Variants in LRRC7 observed in about 807,000 individuals in gnomAD.
The protein encoded by LRRC7 is leucine-rich repeat-containing protein 7.
LRRC7 carries 23 observed loss-of-function variants against 175.7 expected under a neutral mutation model. That is an observed-to-expected ratio of 0.13 (90% CI 0.09 to 0.19). LRRC7 has a LOEUF of 0.19. Among genes scored for constraint, LRRC7 ranks in the 10% least tolerant of loss-of-function variants. The pLI is 1.00. For missense variants in LRRC7, 1,354 were observed against 1,904.7 expected (o/e 0.71, Z 5.38); for synonymous variants, 685 against 680.9 (o/e 1.01, Z -0.09).
chr1:70,140,492 T>G lies in LRRC7; in HGVS notation c.*18605T>G, dbSNP rs1471627783. On this transcript the variant is annotated 3_prime_UTR_variant, in exon 27 of 27. Transcript: ENST00000651989. ...CTATCAATTTTCTACATTTAATCCTTGGCTTCTTGTCATATTTTCATTTTT... is the reference window on the plus strand; with the variant it reads ...CTATCAATTTTCTACATTTAATCCTGGGCTTCTTGTCATATTTTCATTTTT... The G allele has an allele frequency of 6.6e-6, 1 of 152,174 alleles. No individual in the cohort carries two copies. 9.4% of individuals were successfully genotyped at this position (152,174 alleles called of 1,614,324 possible).
At chr1:70,076,836 C>T (rs1662818652) in intron 24 of LRRC7, among the ~76,000 whole-genome samples, 1 of 152,178 alleles carries the variant, frequency 6.6e-6, no homozygotes, top group East Asian at 1.9e-4. Flanking sequence ...TTACTGATAA[C>T]TGCCATGTAG....
At chr1:70,084,352 C>G (rs541774095) in intron 24 of LRRC7, among the ~76,000 whole-genome samples, 1 of 152,300 alleles carries the variant, frequency 6.6e-6, no homozygotes, top group South Asian at 2.1e-4. Context: ...AACCACTCAT[C>G]TACTTTCTGT....
Position 70,076,225 on chromosome 1 carries a change from C to G in LRRC7, c.4379C>G (p.Thr1460Ser), listed in dbSNP as rs1662766794. Residue 1460 changes from threonine (T) to serine (S), a missense_variant, in exon 24 of 27, where the codon ACC (threonine) becomes AGC (serine). By Grantham distance (58) the Thr-to-Ser change is moderately conservative. This residue lies in a region of LRRC7 where 1,032 missense variants were observed against 1,227.2 expected (regional missense o/e 0.84). Coordinates refer to ENST00000651989, the MANE Select transcript of LRRC7 (RefSeq NM_001370785.2). ...LPIQIPSSQATRGPQPGRCLI... is the reference protein window; with the variant it reads ...LPIQIPSSQASRGPQPGRCLI... ...ATTCAGATCCCCTCTTCACAGGCCA[C>G]CCGGGGACCTCAGCCTGGACGGTGC... 6.2e-7 allele frequency: 1 copy of G among 1,614,064 alleles called. No homozygotes were observed.
chr1:69,647,848 T>C (rs141153714), intron 1 of LRRC7, among the ~76,000 whole-genome samples: 1 of 152,276 alleles, frequency 6.6e-6, no homozygotes, highest in African/African-American at 2.4e-5. Flanking sequence ...TTTTATTGAG[T>C]GTATACTTGC....
chr1:69,671,522 C>A (rs1399957468), intron 1 of LRRC7, among the ~76,000 whole-genome samples: 1 of 152,130 alleles, frequency 6.6e-6, no homozygotes, highest in Non-Finnish European at 1.5e-5. Flanking sequence ...CAGTAGGTCA[C>A]ATATGCTCCC....
At chr1:69,879,221 A>C (rs961607983) in intron 7 of LRRC7, among the ~76,000 whole-genome samples, 21 of 134,960 alleles carry the variant, frequency 1.6e-4, no homozygotes, top group African/African-American at 5.3e-4. Flanking sequence ...TTAAAAAAAA[A>C]AAAAAAAAAA....
chr1:69,705,096 A>C (rs1346878146), intron 2 of LRRC7, among the ~76,000 whole-genome samples: 1 of 152,164 alleles, frequency 6.6e-6, no homozygotes, highest in Non-Finnish European at 1.5e-5. Flanking sequence ...AACTTTCCCA[A>C]GATTAGAAAG....
intron 2 of LRRC7, among the ~76,000 whole-genome samples, chr1:69,682,054 A>C (rs1328383685): frequency 2.0e-5 from 3 of 152,094 alleles, no homozygotes; most frequent in African/African-American, 2.4e-5. Flanking sequence ...CTATTGGCAG[A>C]ATTTGTTTCC....
intron 3 of LRRC7, among the ~76,000 whole-genome samples, chr1:69,760,983 GTGCACACC>G (rs1670978480): frequency 1.4e-5 from 2 of 139,382 alleles, no homozygotes; most frequent in African/African-American, 5.4e-5. Flanking sequence ...ACACACACAC[GTGCACACC>G]TGCACACACA....
At chr1:69,794,065 A>C (rs1270396459) in intron 4 of LRRC7, among the ~76,000 whole-genome samples, 1 of 152,218 alleles carries the variant, frequency 6.6e-6, no homozygotes, top group Non-Finnish European at 1.5e-5. Context: ...TGGATTAATT[A>C]AGACTGCTGT....
At chr1:70,045,040 A>T (rs1048687589) in intron 22 of LRRC7, among the ~76,000 whole-genome samples, 1 of 152,102 alleles carries the variant, frequency 6.6e-6, no homozygotes, top group Admixed American at 6.6e-5. Context: ...AAGACCTCAA[A>T]TTCCTGTTTT....
intron 1 of LRRC7, among the ~76,000 whole-genome samples, chr1:69,640,804 T>C (rs1326583654): frequency 6.6e-6 from 1 of 151,456 alleles, no homozygotes; most frequent in Non-Finnish European, 1.5e-5. Flanking sequence ...TTATTTTTAG[T>C]TGCTACTTGA....
intron 7 of LRRC7, chr1:69,920,446 A>G (rs1646856929): frequency 6.6e-6 from 1 of 152,232 alleles, no homozygotes; most frequent in Non-Finnish European, 1.5e-5. Flanking sequence ...AAACACTATT[A>G]TACAAGGGAT....
chr1:69,922,967 C>A (rs1033381449), intron 7 of LRRC7, among the ~76,000 whole-genome samples: 2 of 152,016 alleles, frequency 1.3e-5, no homozygotes, highest in East Asian at 3.9e-4. Context: ...TCCCTCCCCC[C>A]TCCTGCCACC....
At chr1:70,011,198 G>A (rs1443500852) in intron 11 of LRRC7, among the ~76,000 whole-genome samples, 1 of 152,174 alleles carries the variant, frequency 6.6e-6, no homozygotes, top group Admixed American at 6.6e-5. Flanking sequence ...TCTACTGTCT[G>A]CATTTAATTC....
intron 8 of LRRC7, among the ~76,000 whole-genome samples, chr1:69,957,938 T>C (rs185021184): frequency 8.5e-5 from 13 of 152,050 alleles, no homozygotes; most frequent in African/African-American, 2.9e-4. Context: ...AGAGGTTAGC[T>C]CATAGGAATG....
At position 70,125,395 on chromosome 1, in the gene LRRC7, C is replaced by G. The variant is rs944065785; in HGVS notation, c.*3508C>G. ...GAAAACAGCTTTGAGGAGAGACTGA[C>G]AAGCCAATGTTAATTTGCTCTTAAT... is the stretch of plus-strand genomic sequence containing the variant. On this transcript the variant is annotated 3_prime_UTR_variant, in exon 27 of 27. Transcript: ENST00000651989. Among the ~76,000 whole-genome samples the G allele has an allele frequency of 6.6e-6, 1 of 152,152 alleles. No individual in the cohort carries two copies.
chr1:70,038,851 G>T lies in LRRC7; in HGVS notation c.3027G>T (p.Gly1009=). The change falls in exon 21 of 27, where the codon GGG becomes GGT. Residue 1009 remains glycine (G), a synonymous_variant. Coordinates refer to ENST00000651989, the MANE Select transcript of LRRC7 (RefSeq NM_001370785.2). ...YNIPLENYAS[G]SDHLGSHERP... ...TACCATTAGAAAACTATGCTTCTGG[G>T]AGTGATCACTTAGGAAGCCACGAAC... 4 of 1,614,010 alleles carry T rather than the reference G, an allele frequency of 2.5e-6. No homozygotes were observed. In the South Asian group the frequency reaches 4.4e-5, roughly 18 times the overall value.
chr1:70,025,022 C>T (rs191625282), intron 17 of LRRC7, among the ~76,000 whole-genome samples: 51 of 152,062 alleles, frequency 3.4e-4, no homozygotes, highest in Non-Finnish European at 4.9e-4. Flanking sequence ...CAAATATGTG[C>T]TGCACCCACA....
Sources: allele counts gnomAD v4.1 joint callset (sites outside exome capture counted in the v4.1 genomes callset), GRCh38; gene constraint gnomAD v4.1.1; regional missense constraint gnomAD v4.1.1; transcripts MANE v1.5; gene names NCBI Gene and HGNC (gene_info 2026-07-23, HGNC 2026-07-21).